MAEA: variants seen among roughly 807,000 people sequenced by gnomAD.
MAEA encodes macrophage erythroblast attacher, E3 ubiquitin ligase, also known as E3 ubiquitin-protein transferase MAEA.
A neutral mutation model predicts 46.2 loss-of-function variants in MAEA; 22 were observed. That is an observed-to-expected ratio of 0.48 (90% CI 0.34 to 0.68). The LOEUF (loss-of-function observed/expected upper bound fraction) is 0.68, where lower values mean the gene tolerates loss of function less well. MAEA is among the 30% of genes least tolerant of loss of function. The pLI, the probability that MAEA is intolerant of heterozygous loss-of-function variation, is 0.01. For synonymous variants in MAEA, 246 were observed against 222.6 expected (o/e 1.11, Z -0.94); for missense variants, 393 against 558.1 (o/e 0.70, Z 2.98).
intron 3 of MAEA, among the ~76,000 whole-genome samples, chr4:1,317,007 C>G (rs12644418): frequency 2.3e-5 from 1 of 43,070 alleles, no homozygotes; most frequent in Non-Finnish European, 5.0e-5. Flanking sequence ...AGGCCCACCC[C>G]GGCCCCCACA....
At position 1,315,575 on chromosome 4, in the gene MAEA, A is replaced by G. The variant is rs774008283; in HGVS notation, c.431A>G (p.Lys144Arg). The change falls in exon 3 of 9, where the codon AAG becomes AGG. Residue 144 changes from lysine (K) to arginine (R), a missense_variant. This residue lies in a region of MAEA where 358 missense variants were observed against 537.9 expected (regional missense o/e 0.67). Transcript: ENST00000303400. Reference sequence around the variant, plus strand: ...TGCGGCTACTACAACACGGCTGTCAAGCTGGCGCGCCAGAGCGGCATCGAG... The same window carrying G: ...TGCGGCTACTACAACACGGCTGTCAGGCTGGCGCGCCAGAGCGGCATCGAG... ...LRCGYYNTAV[K>R]LARQSGIEDL... The G allele has an allele frequency of 1.2e-5, 19 of 1,613,256 alleles. No homozygotes were observed. Among genetic ancestry groups the G allele is most frequent in the Non-Finnish European group, 1.6e-5 (19 of 1,179,850 alleles).
intron 7 of MAEA, chr4:1,337,444 ACT>A (rs1259890095): frequency 9.9e-6 from 2 of 201,026 alleles, no homozygotes; most frequent in Non-Finnish European, 2.0e-5. Flanking sequence ...CCTGCCTGTG[ACT>A]CTGTCCCACC....
At chr4:1,312,576 C>T in intron 2 of MAEA, 1 of 179,416 alleles carries the variant, frequency 5.6e-6, no homozygotes, top group Non-Finnish European at 1.2e-5. Flanking sequence ...ACTACAGGCG[C>T]CCACCACCAC....
At chr4:1,335,893 T>C (rs13119530) in intron 6 of MAEA, 6 of 2,256 alleles carry the variant, frequency 2.7e-3, no homozygotes, top group African/African-American at 0.016. Context: ...CTGCAGTGTG[T>C]TGAAATCACA....
At position 1,315,678 on chromosome 4, in the gene MAEA, C is replaced by T. The variant is rs535710297; in HGVS notation, c.456+78C>T. 207 of 1,416,752 alleles carry T rather than the reference C, an allele frequency of 1.5e-4. 4 individuals are homozygous for T. Among genetic ancestry groups the T allele is most frequent in the East Asian group, 3.3e-4 (14 of 42,042 alleles). The allele number at this position is 1,416,752 out of a possible 1,614,324, so 87.8% of individuals were successfully genotyped here. ...GCCAGCCGCCCTGTGGCATGTCCCC[C>T]GGCATGCCTGTGTCCCTACATGCTT... On this transcript the variant is annotated intron_variant, in intron 3 of 8. Transcript: ENST00000303400.
intron 1 of MAEA, among the ~76,000 whole-genome samples, chr4:1,308,525 G>A (rs550357333): frequency 1.6e-3 from 241 of 152,338 alleles, no homozygotes; most frequent in Admixed American, 3.2e-3. Context: ...ACGCTGCGCC[G>A]GGCACGTTCC....
chr4:1,298,186 G>C (rs1734954935), intron 1 of MAEA: 15 of 415,818 alleles, frequency 3.6e-5, no homozygotes, highest in South Asian at 2.5e-4. Context: ...TCTGCCCGCG[G>C]CTTGGCCCTG....
At position 1,339,187 on chromosome 4, in the gene MAEA, G is replaced by A. The variant is rs763718537; in HGVS notation, c.*18G>A. The A allele has an allele frequency of 1.9e-5, 30 of 1,599,404 alleles. No homozygotes were observed. Among genetic ancestry groups the A allele is most frequent in the Admixed American group, 3.3e-5 (2 of 59,968 alleles). The stretch of plus-strand genomic sequence containing the variant: ...TCATGTAGGCCCCACGTCGTGAAGC[G>A]CACGCCTCGGGGACGGGCTGCAGTG... On this transcript the variant is annotated 3_prime_UTR_variant, in exon 9 of 9. Transcript: ENST00000303400.
chr4:1,337,456 C>A, intron 7 of MAEA: 1 of 217,342 alleles, frequency 4.6e-6, no homozygotes, highest in South Asian at 5.0e-5. Context: ...TCTGTCCCAC[C>A]TGCGACTCAC....
At position 1,335,018 on chromosome 4, in the gene MAEA, C is replaced by T. The variant is rs569096120; in HGVS notation, c.766-1843C>T. On this transcript the variant is annotated intron_variant, in intron 6 of 8. Transcript: ENST00000303400. ...CGTCCCCTGATGACCACCTCCCCTC[C>T]CTCCAGGTGTGGCCGTCTCCCCCCA... 4.1e-6 allele frequency: 4 copies of T among 985,454 alleles called. No homozygotes were observed. In the East Asian group the frequency reaches 3.4e-4, roughly 84 times the overall value. 61.0% of individuals were successfully genotyped at this position (985,454 alleles called of 1,614,324 possible).
At chr4:1,304,211 A>G (rs1318162616) in intron 1 of MAEA, among the ~76,000 whole-genome samples, 3 of 152,212 alleles carry the variant, frequency 2.0e-5, no homozygotes, top group Non-Finnish European at 4.4e-5. Flanking sequence ...GTGTGCTGTC[A>G]ATGTAAAGTA....
intron 1 of MAEA, among the ~76,000 whole-genome samples, chr4:1,305,367 C>A (rs533383640): frequency 6.6e-6 from 1 of 152,192 alleles, no homozygotes; most frequent in Non-Finnish European, 1.5e-5. Context: ...TGCTTCCAGG[C>A]GGCGCGGCCC....
intron 6 of MAEA, chr4:1,334,791 C>A: frequency 1.2e-6 from 1 of 845,994 alleles, no homozygotes; most frequent in Non-Finnish European, 1.4e-6. Context: ...CCACCAGAAG[C>A]CCAGAGGCAA....
chr4:1,319,877 A>G (rs1296076252), intron 3 of MAEA, among the ~76,000 whole-genome samples: 1 of 152,184 alleles, frequency 6.6e-6, no homozygotes. Context: ...AAGGGGCTCC[A>G]GAAAAGAATC....
In MAEA at chr4:1,322,517, C is replaced by G; in HGVS notation, c.579+14C>G. The G allele has an allele frequency of 6.2e-7, 1 of 1,612,896 alleles. No homozygotes were observed. The highest frequency in any genetic ancestry group is 8.5e-7 in the Non-Finnish European group (1 of 1,179,594). On this transcript the variant is annotated intron_variant, in intron 4 of 8. Transcript: ENST00000303400. ...CGGAAGATGAAGGTGCACGGACTCC[C>G]AGGTTGGGGTGGGAGTGGGTCGGGG...
intron 6 of MAEA, among the ~76,000 whole-genome samples, chr4:1,333,474 C>T (rs924827906): frequency 6.6e-6 from 1 of 152,164 alleles, no homozygotes; most frequent in African/African-American, 2.4e-5. Context: ...TTAGGCTGCA[C>T]CGTCTTCCGT....
intron 1 of MAEA, among the ~76,000 whole-genome samples, chr4:1,297,388 C>T (rs546067516): frequency 6.7e-6 from 1 of 149,928 alleles, no homozygotes; most frequent in East Asian, 1.9e-4. Flanking sequence ...CAAGCGTTTA[C>T]ACTTCAGCTC....
chr4:1,300,138 C>G (rs1408211293), intron 1 of MAEA, among the ~76,000 whole-genome samples: 1 of 152,120 alleles, frequency 6.6e-6, no homozygotes, highest in African/African-American at 2.4e-5. Flanking sequence ...AGAACACATC[C>G]CATTCACCAT....
chr4:1,323,535 G>A, intron 4 of MAEA: 1 of 702,598 alleles, frequency 1.4e-6, no homozygotes, highest in Non-Finnish European at 2.6e-6. Flanking sequence ...GGACGAAAAA[G>A]TAGAGCGGCT....
Sources: allele counts gnomAD v4.1 joint callset (sites outside exome capture counted in the v4.1 genomes callset), GRCh38; gene constraint gnomAD v4.1.1; regional missense constraint gnomAD v4.1.1; transcripts MANE v1.5; gene names NCBI Gene and HGNC (gene_info 2026-07-23, HGNC 2026-07-21).